The following THSD7B variants were observed in gnomAD, a reference collection of about 807,000 sequenced individuals.
THSD7B encodes the protein thrombospondin type-1 domain-containing protein 7B.
In THSD7B, 138 loss-of-function variants were observed where a neutral mutation model predicts 213.6. That is an observed-to-expected ratio of 0.65 (90% CI 0.56 to 0.74). THSD7B has a LOEUF of 0.74. Ranked by LOEUF, THSD7B falls within the 30% of genes least tolerant of loss-of-function variation. The pLI, the probability that THSD7B is intolerant of heterozygous loss-of-function variation, is 0.00. For synonymous variants in THSD7B, 742 were observed against 687.0 expected (o/e 1.08, Z -1.25); for missense variants, 1,931 against 1,991.5 (o/e 0.97, Z 0.58).
At chr2:137,358,710 T>A (rs1349283839) in intron 12 of THSD7B, among the ~76,000 whole-genome samples, 1 of 152,202 alleles carries the variant, frequency 6.6e-6, no homozygotes, top group Non-Finnish European at 1.5e-5. Context: ...TGCAGTCTCT[T>A]GAGGTCAGAT....
At chr2:137,204,375 C>A (rs567781750) in intron 7 of THSD7B, among the ~76,000 whole-genome samples, 1 of 152,226 alleles carries the variant, frequency 6.6e-6, no homozygotes, top group South Asian at 2.1e-4. Flanking sequence ...ATATTAATTT[C>A]TCCAGGTGGT....
chr2:136,997,150 G>A (rs143858828), intron 2 of THSD7B, among the ~76,000 whole-genome samples: 24 of 152,240 alleles, frequency 1.6e-4, no homozygotes, highest in African/African-American at 5.5e-4. Flanking sequence ...AATACATTGT[G>A]CTGACTCTGT....
chr2:136,869,383 G>A (rs1683393452), intron 1 of THSD7B, among the ~76,000 whole-genome samples: 1 of 152,134 alleles, frequency 6.6e-6, no homozygotes, highest in Non-Finnish European at 1.5e-5. Flanking sequence ...ACCTACTGCT[G>A]TTCTCAATTT....
intron 2 of THSD7B, among the ~76,000 whole-genome samples, chr2:136,990,086 A>G (rs1685742349): frequency 6.6e-6 from 1 of 152,198 alleles, no homozygotes. Flanking sequence ...ATGTTCTTAG[A>G]GAAAATATAA....
At chr2:137,600,704 C>T (rs1682060254) in intron 17 of THSD7B, among the ~76,000 whole-genome samples, 1 of 152,214 alleles carries the variant, frequency 6.6e-6, no homozygotes, top group Non-Finnish European at 1.5e-5. Flanking sequence ...TGCCACTGCA[C>T]TCCAGTGTGG....
At position 136,813,654 on chromosome 2, in the gene THSD7B, C is replaced by T. The variant is rs546320488; in HGVS notation, c.-36+47967C>T. ...GTGCTATTCTATCATTTTTTTTTTC[C>T]AGTGAACTCTACGAGTCAATACAAT... On this transcript the variant is annotated intron_variant, in intron 1 of 27. Coordinates refer to ENST00000409968, the MANE Select transcript of THSD7B (RefSeq NM_001316349.2). Among the ~76,000 whole-genome samples the T allele has an allele frequency of 2.6e-5, 4 of 151,196 alleles. No individual in the cohort carries two copies. In the South Asian group the frequency reaches 8.3e-4, roughly 32 times the overall value.
intron 2 of THSD7B, among the ~76,000 whole-genome samples, chr2:137,004,538 T>C (rs2104828114): frequency 6.6e-6 from 1 of 152,288 alleles, no homozygotes; most frequent in East Asian, 1.9e-4. Flanking sequence ...TACATCCCAC[T>C]GGAAAAACTG....
At chr2:137,028,930 C>A (rs1033485574) in intron 2 of THSD7B, among the ~76,000 whole-genome samples, 1 of 151,980 alleles carries the variant, frequency 6.6e-6, no homozygotes. Context: ...TGTTTCATAT[C>A]CCTCCAAGCA....
intron 2 of THSD7B, among the ~76,000 whole-genome samples, chr2:136,914,084 C>T (rs1684311838): frequency 6.6e-6 from 1 of 152,224 alleles, no homozygotes; most frequent in South Asian, 2.1e-4. Flanking sequence ...CTGCCCAAGA[C>T]CATGGGAACC....
At chr2:137,283,467 G>C (rs1462479313) in intron 12 of THSD7B, among the ~76,000 whole-genome samples, 5 of 152,092 alleles carry the variant, frequency 3.3e-5, no homozygotes, top group Admixed American at 6.5e-5. Context: ...GGGCATCCCT[G>C]TCTTGTGCCA....
chr2:137,288,360 G>A (rs1045709896), intron 12 of THSD7B, among the ~76,000 whole-genome samples: 4 of 152,118 alleles, frequency 2.6e-5, no homozygotes, highest in African/African-American at 7.2e-5. Context: ...GGTGTATGGG[G>A]AGTGAGAATT....
At chr2:137,079,062 A>C (rs1468244293) in intron 3 of THSD7B, among the ~76,000 whole-genome samples, 1 of 152,210 alleles carries the variant, frequency 6.6e-6, no homozygotes, top group African/African-American at 2.4e-5. Context: ...GCAGTGGGGC[A>C]CACCTCTGAT....
At chr2:136,928,296 C>T (rs1684573320) in intron 2 of THSD7B, among the ~76,000 whole-genome samples, 1 of 152,092 alleles carries the variant, frequency 6.6e-6, no homozygotes, top group Non-Finnish European at 1.5e-5. Flanking sequence ...AAATGAAAAA[C>T]AGAATGGTTG....
chr2:137,003,930 A>C (rs1686050928), intron 2 of THSD7B, among the ~76,000 whole-genome samples: 1 of 151,896 alleles, frequency 6.6e-6, no homozygotes, highest in African/African-American at 2.4e-5. Context: ...ATACTATGTT[A>C]CTTTTTGGTG....
At chr2:137,412,458 G>A (rs1023519527) in intron 14 of THSD7B, among the ~76,000 whole-genome samples, 32 of 151,734 alleles carry the variant, frequency 2.1e-4, no homozygotes, top group African/African-American at 7.2e-4. Context: ...AAATTAGCCG[G>A]GCGTGGTGGC....
chr2:136,809,024 C>G (rs994972842), intron 1 of THSD7B, among the ~76,000 whole-genome samples: 6 of 152,162 alleles, frequency 3.9e-5, no homozygotes, highest in East Asian at 1.9e-4. Flanking sequence ...TGTGCTGGGC[C>G]TTGGGGATCA....
chr2:137,563,223 A>AC lies in THSD7B; in HGVS notation c.3142dup (p.His1048ProfsTer2). 6.2e-7 allele frequency: 1 copy of AC among 1,613,176 alleles called. No individual in the cohort carries two copies. Among genetic ancestry groups the AC allele is most frequent in the South Asian group, 1.1e-5 (1 of 91,030 alleles). The stretch of plus-strand genomic sequence containing the variant: ...TGTTTCTTTCCTGTTCTTGACAGGT[A>AC]CATGAGGCAGTCCCATGTTACAGTG... On this transcript the variant is annotated frameshift_variant, in exon 16 of 28. Coordinates refer to ENST00000409968, the MANE Select transcript of THSD7B (RefSeq NM_001316349.2). LOFTEE classifies it high-confidence loss of function.
At chr2:137,188,939 C>G (rs764773975) in intron 7 of THSD7B, among the ~76,000 whole-genome samples, 4 of 152,156 alleles carry the variant, frequency 2.6e-5, no homozygotes, top group Non-Finnish European at 5.9e-5. Context: ...CCCCGGTTTG[C>G]TCAGTGAAAC....
intron 12 of THSD7B, among the ~76,000 whole-genome samples, chr2:137,404,608 A>C (rs1160989791): frequency 6.7e-6 from 1 of 150,156 alleles, no homozygotes; most frequent in African/African-American, 2.5e-5. Flanking sequence ...CACACATACT[A>C]TATATGATCA....
Sources: allele counts gnomAD v4.1 joint callset (sites outside exome capture counted in the v4.1 genomes callset), GRCh38; gene constraint gnomAD v4.1.1; transcripts MANE v1.5; gene names NCBI Gene and HGNC (gene_info 2026-07-23, HGNC 2026-07-21).